Variants in CSGALNACT1 observed in about 807,000 individuals in gnomAD.
The protein encoded by CSGALNACT1 is chondroitin sulfate N-acetylgalactosaminyltransferase 1.
In CSGALNACT1, 52 loss-of-function variants were observed where a neutral mutation model predicts 51.0. That is an observed-to-expected ratio of 1.02 (90% CI 0.82 to 1.29). The LOEUF is 1.29. CSGALNACT1 is among the 50% of genes most tolerant of loss of function. The pLI, the probability that CSGALNACT1 is intolerant of heterozygous loss-of-function variation, is 0.00. For missense variants in CSGALNACT1, 935 were observed against 679.2 expected (o/e 1.38, Z -4.19); for synonymous variants, 341 against 254.4 (o/e 1.34, Z -3.24).
intron 1 of CSGALNACT1, among the ~76,000 whole-genome samples, chr8:19,694,364 C>T (rs1482229631): frequency 6.6e-6 from 1 of 152,240 alleles, no homozygotes; most frequent in African/African-American, 2.4e-5. Flanking sequence ...GATTTACCCT[C>T]ATTTCAAGTC....
At chr8:19,454,923 C>CT (rs1236047798) in intron 5 of CSGALNACT1, among the ~76,000 whole-genome samples, 5 of 152,142 alleles carry the variant, frequency 3.3e-5, no homozygotes, top group Non-Finnish European at 5.9e-5. Context: ...CTTTATTATA[C>CT]TTCCGGTTTT....
At chr8:19,752,415 A>T (rs2065099360) in intron 1 of CSGALNACT1, among the ~76,000 whole-genome samples, 1 of 152,152 alleles carries the variant, frequency 6.6e-6, no homozygotes, top group Non-Finnish European at 1.5e-5. Context: ...GGTTCCTAGC[A>T]CAGCCCTGTG....
rs371177725 is a variant in CSGALNACT1, at chr8:19,741,559, TCAA to T, written c.-297+16288_-297+16290del. ...GCCTGGGCGAAAGAGTGAGACTCCA[TCAA>T]AAAAAAAAAAAAAAAAAGGGAGTCT... On this transcript the variant is annotated intron_variant, in intron 1 of 1. Coordinates refer to the CSGALNACT1 transcript ENST00000517494. Among the ~76,000 whole-genome samples the T allele has an allele frequency of 2.3e-3, 122 of 53,816 alleles. 1 individual carries two copies. Among genetic ancestry groups the T allele is most frequent in the Non-Finnish European group, 3.1e-3 (83 of 27,008 alleles). 35.3% of individuals were successfully genotyped at this position (53,816 alleles called of 152,430 possible).
At chr8:19,504,356 G>A (rs890276511) in intron 4 of CSGALNACT1, among the ~76,000 whole-genome samples, 7 of 152,152 alleles carry the variant, frequency 4.6e-5, no homozygotes, top group African/African-American at 1.2e-4. Context: ...GATTACAGGC[G>A]CGAGCCACTG....
chr8:19,490,189 T>TTTAGTGATTCTAA (rs2074052817), intron 4 of CSGALNACT1, among the ~76,000 whole-genome samples: 1 of 152,192 alleles, frequency 6.6e-6, no homozygotes, highest in Admixed American at 6.5e-5. Flanking sequence ...ACATCACTAA[T>TTTAGTGATTCTAA]TTAGGCATTC....
intron 1 of CSGALNACT1, among the ~76,000 whole-genome samples, chr8:19,748,377 A>G (rs2064814356): frequency 6.6e-6 from 1 of 152,154 alleles, no homozygotes; most frequent in South Asian, 2.1e-4. Context: ...GGTATTCAAG[A>G]TATATTTGAT....
intron 1 of CSGALNACT1, among the ~76,000 whole-genome samples, chr8:19,694,977 G>A (rs2061512810): frequency 6.6e-6 from 1 of 152,134 alleles, no homozygotes; most frequent in African/African-American, 2.4e-5. Context: ...ACAAGCCCCG[G>A]AGACAGATGC....
rs185700515 is a variant in CSGALNACT1, at chr8:19,536,470, A to G, written c.-296-30340T>C. On this transcript the variant is annotated intron_variant, in intron 3 of 9. Transcript: ENST00000454498. Reference sequence around the variant, plus strand: ...TAGGTATAAATCTAACAAGATATGTACATGCCTTATGTGCTGAAAACTACA... The same window carrying G: ...TAGGTATAAATCTAACAAGATATGTGCATGCCTTATGTGCTGAAAACTACA... Among the ~76,000 whole-genome samples the G allele has an allele frequency of 2.5e-3, 378 of 152,326 alleles. 3 individuals carry two copies. Among genetic ancestry groups the G allele is most frequent in the African/African-American group, 8.7e-3 (362 of 41,572 alleles).
chr8:19,473,511 C>T (rs140618247), intron 4 of CSGALNACT1, among the ~76,000 whole-genome samples: 82 of 152,312 alleles, frequency 5.4e-4, no homozygotes, highest in African/African-American at 1.9e-3. Context: ...GACCAACACC[C>T]ATGGTACAGA....
At chr8:19,548,825 T>G (rs977804709) in intron 3 of CSGALNACT1, among the ~76,000 whole-genome samples, 2 of 152,198 alleles carry the variant, frequency 1.3e-5, no homozygotes, top group African/African-American at 4.8e-5. Flanking sequence ...CTGCCATGCT[T>G]ATCCCTTTAT....
At chr8:19,508,888 G>C (rs773861430) in intron 3 of CSGALNACT1, among the ~76,000 whole-genome samples, 4 of 152,062 alleles carry the variant, frequency 2.6e-5, no homozygotes, top group Non-Finnish European at 5.9e-5. Flanking sequence ...ATATCTTTTT[G>C]TTCTGTTCTA....
At chr8:19,669,611 C>G (rs1027073154) in intron 1 of CSGALNACT1, among the ~76,000 whole-genome samples, 1 of 152,022 alleles carries the variant, frequency 6.6e-6, no homozygotes, top group Non-Finnish European at 1.5e-5. Context: ...TGCCACCATG[C>G]CTGGCCAGTT....
chr8:19,623,609 A>C (rs1164133492), intron 1 of CSGALNACT1, among the ~76,000 whole-genome samples: 1 of 152,230 alleles, frequency 6.6e-6, no homozygotes. Flanking sequence ...GTACTTAACA[A>C]ATCTCTAAGA....
chr8:19,643,684 G>GTTAATA (rs2056972441), intron 1 of CSGALNACT1, among the ~76,000 whole-genome samples: 1 of 151,518 alleles, frequency 6.6e-6, no homozygotes, highest in Non-Finnish European at 1.5e-5. Context: ...TAGTGAAAAT[G>GTTAATA]TTAATACACA....
chr8:19,662,418 A>G (rs1009205101), intron 1 of CSGALNACT1, among the ~76,000 whole-genome samples: 48 of 152,174 alleles, frequency 3.2e-4, no homozygotes, highest in African/African-American at 1.0e-3. Flanking sequence ...TCCAGCAACC[A>G]AAACAATTAC....
chr8:19,512,266 G>T (rs2078611500), intron 3 of CSGALNACT1, among the ~76,000 whole-genome samples: 1 of 152,208 alleles, frequency 6.6e-6, no homozygotes, highest in Non-Finnish European at 1.5e-5. Context: ...AACAGAGGCA[G>T]GCCTGCCGGC....
At chr8:19,656,508 T>A (rs1256777201) in intron 1 of CSGALNACT1, among the ~76,000 whole-genome samples, 1 of 151,468 alleles carries the variant, frequency 6.6e-6, no homozygotes, top group Admixed American at 6.6e-5. Flanking sequence ...AGGTAAATAT[T>A]CAGGAAACTG....
chr8:19,637,044 A>G (rs1257107810), intron 1 of CSGALNACT1, among the ~76,000 whole-genome samples: 1 of 151,036 alleles, frequency 6.6e-6, no homozygotes, highest in African/African-American at 2.4e-5. Flanking sequence ...AAAAAAAAAT[A>G]GAACAATTAG....
chr8:19,732,761 C>T (rs2063761581), intron 1 of CSGALNACT1, among the ~76,000 whole-genome samples: 1 of 152,216 alleles, frequency 6.6e-6, no homozygotes, highest in Admixed American at 6.5e-5. Context: ...ATTCCCTTGC[C>T]ATATGAATCA....
Sources: gnomAD v4.1 joint callset for allele counts (sites outside exome capture counted in the v4.1 genomes callset) on GRCh38, gnomAD v4.1.1 for gene constraint, MANE v1.5 for transcripts, NCBI Gene and HGNC (gene_info 2026-07-23, HGNC 2026-07-21) for gene names.